The following SNTG1 variants were observed in gnomAD, a reference collection of about 807,000 sequenced individuals.
SNTG1 encodes the protein syntrophin gamma 1, also known as gamma-1-syntrophin.
In SNTG1, 39 loss-of-function variants were observed where a neutral mutation model predicts 74.7. The observed-to-expected ratio is 0.52, with a 90% CI of 0.40 to 0.68. The LOEUF (loss-of-function observed/expected upper bound fraction) is 0.68, where lower values mean the gene tolerates loss of function less well. Among genes scored for constraint, SNTG1 ranks in the 30% least tolerant of loss-of-function variants. The pLI is 0.00. For synonymous variants in SNTG1, 254 were observed against 217.1 expected (o/e 1.17, Z -1.49); for missense variants, 685 against 609.5 (o/e 1.12, Z -1.30).
intron 8 of SNTG1, among the ~76,000 whole-genome samples, chr8:50,490,504 T>C (rs2093841834): frequency 1.3e-5 from 2 of 152,232 alleles, no homozygotes; most frequent in African/African-American, 4.8e-5. Flanking sequence ...GTTGTATTCC[T>C]AGGTATTTTA....
intron 15 of SNTG1, among the ~76,000 whole-genome samples, chr8:50,686,424 A>C (rs2095352696): frequency 6.6e-6 from 1 of 152,230 alleles, no homozygotes; most frequent in Non-Finnish European, 1.5e-5. Flanking sequence ...TATAAAGATT[A>C]AACTAGAGAC....
At chr8:50,189,428 A>T (rs1051187514) in intron 2 of SNTG1, among the ~76,000 whole-genome samples, 1 of 152,148 alleles carries the variant, frequency 6.6e-6, no homozygotes, top group Non-Finnish European at 1.5e-5. Flanking sequence ...GGAGCCTAGG[A>T]ATTTGCAATT....
chr8:50,595,995 G>A (rs1308810850), intron 13 of SNTG1, among the ~76,000 whole-genome samples: 4 of 151,916 alleles, frequency 2.6e-5, no homozygotes, highest in African/African-American at 4.8e-5. Context: ...AATCCTAGTA[G>A]TGTAATAACT....
At chr8:50,442,680 T>TAAAAAAAAAAAAAAAAAAAAAAAAAA (rs5891365) in intron 5 of SNTG1, among the ~76,000 whole-genome samples, 4 of 81,170 alleles carry the variant, frequency 4.9e-5, no homozygotes, top group African/African-American at 1.0e-4. Flanking sequence ...TGTCTATCAG[T>TAAAAAAAAAAAAAAAAAAAAAAAAAA]AAAAAAAAAA....
intron 2 of SNTG1, among the ~76,000 whole-genome samples, chr8:50,180,748 G>GC (rs2083172557): frequency 8.4e-6 from 1 of 119,530 alleles, no homozygotes; most frequent in Admixed American, 9.0e-5. Context: ...AGATTGTGAA[G>GC]CCTTTTTTTT....
intron 2 of SNTG1, among the ~76,000 whole-genome samples, chr8:50,378,840 G>A (rs554784153): frequency 4.4e-4 from 67 of 152,038 alleles, no homozygotes; most frequent in Non-Finnish European, 7.9e-4. Context: ...GGGCTTTTAC[G>A]GGCCTCAGAG....
chr8:50,056,359 T>C (rs1391570989), intron 1 of SNTG1, among the ~76,000 whole-genome samples: 1 of 152,162 alleles, frequency 6.6e-6, no homozygotes, highest in Non-Finnish European at 1.5e-5. Flanking sequence ...GAGAAGAGCC[T>C]GAACCTTACT....
intron 13 of SNTG1, among the ~76,000 whole-genome samples, chr8:50,651,975 C>A (rs2095149738): frequency 6.6e-6 from 1 of 152,044 alleles, no homozygotes; most frequent in East Asian, 1.9e-4. Context: ...GTCTCGAACC[C>A]CCGACCTCAG....
At chr8:50,177,491 G>A (rs1312512177) in intron 2 of SNTG1, among the ~76,000 whole-genome samples, 1 of 152,140 alleles carries the variant, frequency 6.6e-6, no homozygotes, top group Non-Finnish European at 1.5e-5. Context: ...TATTCCCACG[G>A]AGGAGGAGTT....
At chr8:49,965,060 C>T (rs6981499) in intron 1 of SNTG1, among the ~76,000 whole-genome samples, 6,640 of 152,184 alleles carry the variant, frequency 0.044, 493 homozygotes, top group African/African-American at 0.15. Flanking sequence ...AAATAGAAAA[C>T]ATTGAAATGA....
intron 9 of SNTG1, among the ~76,000 whole-genome samples, chr8:50,526,765 A>G (rs924058471): frequency 6.6e-6 from 1 of 152,196 alleles, no homozygotes; most frequent in African/African-American, 2.4e-5. Context: ...CTGGGACTAC[A>G]GGCGCTTGCC....
chr8:49,967,872 A>G (rs1377362997), intron 1 of SNTG1, among the ~76,000 whole-genome samples: 1 of 152,184 alleles, frequency 6.6e-6, no homozygotes, highest in Non-Finnish European at 1.5e-5. Context: ...TTGTAGTTTA[A>G]GATCATGATT....
rs531063863 is a variant in SNTG1, at chr8:50,545,227, A to C, written c.681-7823A>C. Among the ~76,000 whole-genome samples the C allele has an allele frequency of 1.7e-3, 259 of 151,846 alleles. 1 individual carries two copies. The highest frequency in any genetic ancestry group is 6.0e-3 in the African/African-American group (249 of 41,510). ...GTCATGTACTATTGTGCATATATAA[A>C]TTAAAACATCATGATATTTTTATCA... On this transcript the variant is annotated intron_variant, in intron 11 of 18. Coordinates refer to ENST00000642720, the MANE Select transcript of SNTG1 (RefSeq NM_018967.5).
At chr8:50,058,607 C>T (rs549083456) in intron 1 of SNTG1, among the ~76,000 whole-genome samples, 1 of 152,176 alleles carries the variant, frequency 6.6e-6, no homozygotes, top group South Asian at 2.1e-4. Flanking sequence ...ATGCGATGAT[C>T]CTGAGTACAC....
chr8:50,241,622 G>A (rs1175876290), intron 2 of SNTG1, among the ~76,000 whole-genome samples: 2 of 152,092 alleles, frequency 1.3e-5, no homozygotes, highest in South Asian at 2.1e-4. Flanking sequence ...ACTGCTTTTA[G>A]GTTTACGTGA....
At chr8:50,160,598 G>A (rs575376186) in intron 1 of SNTG1, among the ~76,000 whole-genome samples, 1 of 151,702 alleles carries the variant, frequency 6.6e-6, no homozygotes, top group East Asian at 1.9e-4. Context: ...AAATAACATA[G>A]TGTATTAGTA....
chr8:50,573,715 A>G (rs2094561418), intron 12 of SNTG1, among the ~76,000 whole-genome samples: 1 of 151,860 alleles, frequency 6.6e-6, no homozygotes, highest in Admixed American at 6.6e-5. Context: ...ATAACTTTAT[A>G]TTTGTCCCCA....
intron 1 of SNTG1, among the ~76,000 whole-genome samples, chr8:50,147,775 A>G (rs143100881): frequency 1.4e-3 from 219 of 152,312 alleles, no homozygotes; most frequent in African/African-American, 4.8e-3. Context: ...ACATGCATGT[A>G]TTGCCTAGCT....
chr8:50,605,767 A>G (rs2094807797), intron 13 of SNTG1, among the ~76,000 whole-genome samples: 1 of 151,996 alleles, frequency 6.6e-6, no homozygotes, highest in Admixed American at 6.6e-5. Flanking sequence ...TTGTTGGTTA[A>G]AATTTGGTGC....
Sources: gnomAD v4.1 joint callset for allele counts (sites outside exome capture counted in the v4.1 genomes callset) on GRCh38, gnomAD v4.1.1 for gene constraint, MANE v1.5 for transcripts, NCBI Gene and HGNC (gene_info 2026-07-23, HGNC 2026-07-21) for gene names.